The following HS6ST3 variants were observed in gnomAD, a reference collection of about 807,000 sequenced individuals.
HS6ST3 encodes the protein heparan-sulfate 6-O-sulfotransferase 3.
In HS6ST3, 12 loss-of-function variants were observed where a neutral mutation model predicts 36.7. That is an observed-to-expected ratio of 0.33 (90% CI 0.21 to 0.53). The LOEUF (loss-of-function observed/expected upper bound fraction) is 0.53, where lower values mean the gene tolerates loss of function less well. Ranked by LOEUF, HS6ST3 falls within the 20% of genes least tolerant of loss-of-function variation. The probability of loss-of-function intolerance (pLI) is 0.95; values close to 1 mark genes in which losing one functional copy is unlikely to be tolerated. For missense variants in HS6ST3, 584 were observed against 640.9 expected, an observed-to-expected ratio of 0.91 and a Z score of 0.96; for synonymous variants, 240 against 257.5, an observed-to-expected ratio of 0.93 and a Z score of 0.65.
intron 1 of HS6ST3, among the ~76,000 whole-genome samples, chr13:96,143,347 T>C (rs756318259): frequency 1.3e-5 from 2 of 150,982 alleles, no homozygotes; most frequent in Non-Finnish European, 3.0e-5. Context: ...TTATCTGATA[T>C]ATATTCTTGA....
chr13:96,561,044 T>C (rs2056260079), intron 1 of HS6ST3, among the ~76,000 whole-genome samples: 1 of 152,100 alleles, frequency 6.6e-6, no homozygotes, highest in African/African-American at 2.4e-5. Context: ...AAAACTATTC[T>C]AAAATTCATG....
At chr13:96,285,709 G>A (rs2054798315) in intron 1 of HS6ST3, among the ~76,000 whole-genome samples, 1 of 152,168 alleles carries the variant, frequency 6.6e-6, no homozygotes, top group Non-Finnish European at 1.5e-5. Flanking sequence ...CGATTGCAAG[G>A]AAGAGAAACT....
intron 1 of HS6ST3, among the ~76,000 whole-genome samples, chr13:96,182,610 T>G (rs1335870040): frequency 1.3e-5 from 2 of 152,254 alleles, no homozygotes; most frequent in Non-Finnish European, 2.9e-5. Flanking sequence ...TGTCGTTACT[T>G]TGCCTTTTCT....
chr13:96,313,417 G>A (rs2054951678), intron 1 of HS6ST3, among the ~76,000 whole-genome samples: 1 of 151,688 alleles, frequency 6.6e-6, no homozygotes, highest in African/African-American at 2.4e-5. Context: ...CTACCTCTTT[G>A]GAAAGCTCTT....
intron 1 of HS6ST3, among the ~76,000 whole-genome samples, chr13:96,750,459 C>T (rs1367319412): frequency 1.3e-5 from 2 of 152,132 alleles, no homozygotes; most frequent in African/African-American, 4.8e-5. Flanking sequence ...TGTAGTGAAG[C>T]GAAGATAAAG....
intron 1 of HS6ST3, among the ~76,000 whole-genome samples, chr13:96,384,692 C>G (rs575782026): frequency 8.9e-4 from 135 of 152,212 alleles, no homozygotes; most frequent in Non-Finnish European, 1.6e-3. Flanking sequence ...TCAATACTTT[C>G]CATCCCAGAA....
chr13:96,121,919 T>C lies in HS6ST3; in HGVS notation c.707+30350T>C, dbSNP rs76233764. Among the ~76,000 whole-genome samples, 168 of 152,228 alleles carry C rather than the reference T, an allele frequency of 1.1e-3. 1 individual carries two copies. Among genetic ancestry groups the C allele is most frequent in the Middle Eastern group, 6.8e-3 (2 of 294 alleles). ...ACTGGCATTAACATGAGAAAAGGGT[T>C]ATCATTACCATGGCAATGAGGAGTA... On this transcript the variant is annotated intron_variant, in intron 1 of 1. Coordinates refer to ENST00000376705, the MANE Select transcript of HS6ST3 (RefSeq NM_153456.4).
intron 1 of HS6ST3, among the ~76,000 whole-genome samples, chr13:96,706,619 G>A (rs1253979399): frequency 6.6e-6 from 1 of 151,554 alleles, no homozygotes; most frequent in Non-Finnish European, 1.5e-5. Flanking sequence ...CTATGAGTTT[G>A]AGAGAGCGGA....
intron 1 of HS6ST3, among the ~76,000 whole-genome samples, chr13:96,122,070 A>C (rs984921314): frequency 6.6e-6 from 1 of 151,356 alleles, no homozygotes; most frequent in African/African-American, 2.4e-5. Flanking sequence ...AGAGATTTAC[A>C]TGCTAGTACT....
chr13:96,538,959 T>C (rs1254899644), intron 1 of HS6ST3, among the ~76,000 whole-genome samples: 1 of 152,202 alleles, frequency 6.6e-6, no homozygotes, highest in Non-Finnish European at 1.5e-5. Flanking sequence ...GACAGATCCC[T>C]CGTTCTGTGT....
chr13:96,200,659 G>A (rs4771929), intron 1 of HS6ST3, among the ~76,000 whole-genome samples: 7,174 of 152,066 alleles, frequency 0.047, 290 homozygotes, highest in Admixed American at 0.12. Context: ...GTTGCTTTTG[G>A]ATATCTTCCC....
chr13:96,414,712 C>T (rs146800678), intron 1 of HS6ST3, among the ~76,000 whole-genome samples: 159 of 152,306 alleles, frequency 1.0e-3, no homozygotes, highest in African/African-American at 3.7e-3. Context: ...GAACTTCTGA[C>T]CTCAGGTGAT....
chr13:96,260,127 TCTTCGATATC>T (rs759692791), intron 1 of HS6ST3, among the ~76,000 whole-genome samples: 17 of 152,176 alleles, frequency 1.1e-4, no homozygotes, highest in Non-Finnish European at 2.2e-4. Context: ...ATGTGAATAT[TCTTCGATATC>T]CTTGCTTGAA....
At chr13:96,479,283 C>A (rs564652062) in intron 1 of HS6ST3, among the ~76,000 whole-genome samples, 21 of 152,118 alleles carry the variant, frequency 1.4e-4, no homozygotes, top group Non-Finnish European at 2.8e-4. Flanking sequence ...AACAGTGAGG[C>A]TGTATAATGG....
intron 1 of HS6ST3, among the ~76,000 whole-genome samples, chr13:96,768,184 C>T (rs1448634006): frequency 6.6e-6 from 1 of 152,202 alleles, no homozygotes; most frequent in Non-Finnish European, 1.5e-5. Flanking sequence ...CTCCTCCTCT[C>T]TTTGTTTACC....
At chr13:96,303,004 C>T (rs949768396) in intron 1 of HS6ST3, among the ~76,000 whole-genome samples, 1 of 152,112 alleles carries the variant, frequency 6.6e-6, no homozygotes, top group African/African-American at 2.4e-5. Context: ...TTTCATGCTA[C>T]AGTGTTAAGG....
At chr13:96,600,685 G>A (rs1444743273) in intron 1 of HS6ST3, among the ~76,000 whole-genome samples, 1 of 151,862 alleles carries the variant, frequency 6.6e-6, no homozygotes, top group Non-Finnish European at 1.5e-5. Context: ...TATTGTATAT[G>A]AGATTCTGCT....
chr13:96,705,608 A>C (rs1875399886), intron 1 of HS6ST3, among the ~76,000 whole-genome samples: 1 of 152,108 alleles, frequency 6.6e-6, no homozygotes, highest in Non-Finnish European at 1.5e-5. Context: ...GGGAAACTTG[A>C]AGGTGGGTTA....
intron 1 of HS6ST3, among the ~76,000 whole-genome samples, chr13:96,245,172 G>A (rs2054578898): frequency 6.6e-6 from 1 of 152,096 alleles, no homozygotes; most frequent in Non-Finnish European, 1.5e-5. Flanking sequence ...CAAACAATGG[G>A]ATTATTCTTG....
Sources: gnomAD v4.1 joint callset for allele counts (sites outside exome capture counted in the v4.1 genomes callset) on GRCh38, gnomAD v4.1.1 for gene constraint, MANE v1.5 for transcripts, NCBI Gene and HGNC (gene_info 2026-07-23, HGNC 2026-07-21) for gene names.